EIF2B3: variants seen among roughly 807,000 people sequenced by gnomAD.
EIF2B3 encodes the protein translation initiation factor eIF2B subunit gamma.
Under a neutral mutation model 54.1 loss-of-function variants are expected in EIF2B3, and 20 were observed. The observed-to-expected ratio is 0.37, with a 90% CI of 0.26 to 0.54. The LOEUF (loss-of-function observed/expected upper bound fraction) is 0.54. EIF2B3 is among the 20% of genes least tolerant of loss of function. The pLI is 0.86. For missense variants in EIF2B3, 448 were observed against 547.8 expected (o/e 0.82, Z 1.82); for synonymous variants, 153 against 188.1 (o/e 0.81, Z 1.52).
intron 3 of EIF2B3, among the ~76,000 whole-genome samples, chr1:44,974,019 C>T (rs994759688): frequency 3.3e-5 from 5 of 152,078 alleles, no homozygotes; most frequent in African/African-American, 9.7e-5. Flanking sequence ...CAGAAAGCAA[C>T]ACACCCCACA....
At chr1:44,859,525 G>C (rs904534253) in intron 10 of EIF2B3, among the ~76,000 whole-genome samples, 1 of 151,898 alleles carries the variant, frequency 6.6e-6, no homozygotes, top group Non-Finnish European at 1.5e-5. Flanking sequence ...AAGCATGGCG[G>C]TGCGCACCTG....
At chr1:44,941,423 A>C in intron 4 of EIF2B3, 83 bp downstream of exon 4, 1 of 1,475,500 alleles carries the variant, frequency 6.8e-7, no homozygotes, top group Admixed American at 2.2e-5. Flanking sequence ...TAGATTCTTA[A>C]TAAATGTTTT....
intron 6 of EIF2B3, among the ~76,000 whole-genome samples, chr1:44,888,352 C>T (rs1173548479): frequency 1.3e-5 from 2 of 152,114 alleles, no homozygotes; most frequent in Non-Finnish European, 2.9e-5. Context: ...TGCAGCTTGG[C>T]CCCAGGAGCG....
chr1:44,919,715 CTTTTTTT>C (rs777128961), intron 5 of EIF2B3, among the ~76,000 whole-genome samples: 1 of 115,888 alleles, frequency 8.6e-6, no homozygotes, highest in Non-Finnish European at 1.7e-5. Flanking sequence ...ATTGAATGTC[CTTTTTTT>C]TTTTTTTTTT....
At chr1:44,932,529 T>C (rs1036900838) in intron 4 of EIF2B3, 11 of 152,188 alleles carry the variant, frequency 7.2e-5, no homozygotes, top group African/African-American at 2.7e-4. Context: ...TAATACAACC[T>C]GGTGACTAGT....
intron 2 of EIF2B3, among the ~76,000 whole-genome samples, chr1:44,979,474 CAAAAAAAAAAAA>C (rs34452633): frequency 3.6e-5 from 2 of 56,026 alleles, no homozygotes; most frequent in South Asian, 1.3e-3. Context: ...CTGTCTCTGC[CAAAAAAAAAAAA>C]AAAAAAAAAA....
intron 7 of EIF2B3, among the ~76,000 whole-genome samples, chr1:44,880,823 T>C (rs984638922): frequency 1.3e-5 from 2 of 151,794 alleles, no homozygotes; most frequent in African/African-American, 4.8e-5. Flanking sequence ...TAGCCGGGCG[T>C]GGTGGCGTGT....
At chr1:44,873,553 C>T (rs918171892) in intron 10 of EIF2B3, among the ~76,000 whole-genome samples, 1 of 152,102 alleles carries the variant, frequency 6.6e-6, no homozygotes, top group African/African-American at 2.4e-5. Context: ...GTAGCTGATC[C>T]ATAGCAAACT....
intron 4 of EIF2B3, among the ~76,000 whole-genome samples, chr1:44,932,639 C>CCT (rs1470597598): frequency 6.6e-6 from 1 of 151,976 alleles, no homozygotes; most frequent in Non-Finnish European, 1.5e-5. Context: ...ATAAGCTCCC[C>CCT]CTCCCATCCC....
At chr1:44,894,464 C>T (rs1352774444) in intron 6 of EIF2B3, among the ~76,000 whole-genome samples, 1 of 152,112 alleles carries the variant, frequency 6.6e-6, no homozygotes, top group African/African-American at 2.4e-5. Flanking sequence ...ACTACATCTC[C>T]TTTCCCTCAT....
intron 3 of EIF2B3, among the ~76,000 whole-genome samples, chr1:44,949,813 TA>T (rs1418941727): frequency 1.2e-4 from 19 of 152,240 alleles, no homozygotes; most frequent in Non-Finnish European, 2.4e-4. Context: ...CTAATATTCA[TA>T]ATTCATTCAC....
intron 11 of EIF2B3, 129 bp downstream of exon 11, chr1:44,857,575 G>T: frequency 1.1e-6 from 1 of 881,698 alleles, no homozygotes; most frequent in Non-Finnish European, 1.9e-6. Context: ...TCCAAAGATG[G>T]CTTTATCAAT....
At chr1:44,965,576 C>A (rs1425325573) in intron 3 of EIF2B3, among the ~76,000 whole-genome samples, 1 of 148,608 alleles carries the variant, frequency 6.7e-6, no homozygotes, top group African/African-American at 2.5e-5. Flanking sequence ...AGTACTAATG[C>A]TTTTGGAGGC....
intron 4 of EIF2B3, among the ~76,000 whole-genome samples, chr1:44,930,619 A>G (rs183204775): frequency 6.6e-6 from 1 of 152,304 alleles, no homozygotes; most frequent in East Asian, 1.9e-4. Flanking sequence ...CCAGCTGTCA[A>G]GGCTGAGGCT....
At chr1:44,871,874 C>CTTT (rs71040515) in intron 10 of EIF2B3, among the ~76,000 whole-genome samples, 1,204 of 118,852 alleles carry the variant, frequency 0.01, 35 homozygotes, top group Non-Finnish European at 0.013. Flanking sequence ...ACTTCACAAT[C>CTTT]TTTTTTTTTT....
chr1:44,901,266 C>T (rs1643291848), intron 5 of EIF2B3, among the ~76,000 whole-genome samples: 1 of 152,102 alleles, frequency 6.6e-6, no homozygotes, highest in Admixed American at 6.6e-5. Flanking sequence ...CAAGCGCCCA[C>T]CACCATGCCC....
Position 44,859,441 on chromosome 1 carries a change from G to A in EIF2B3, c.1203-1634C>T, listed in dbSNP as rs1206725761. 3.3e-5 allele frequency among the ~76,000 whole-genome samples: 5 copies of A among 152,134 alleles called. No individual in the cohort carries two copies. In the East Asian group the frequency reaches 9.7e-4, roughly 29 times the overall value. On this transcript the variant is annotated intron_variant, in intron 10 of 11. Transcript: ENST00000360403. ...GGAGGCCAAGGCAGGTGGATCACCT[G>A]AGGTCAGGAGTTTGAGGCCAGCCAT...
At chr1:44,898,596 TAAA>T in intron 5 of EIF2B3, among the ~76,000 whole-genome samples, 1 of 146,172 alleles carries the variant, frequency 6.8e-6, no homozygotes, top group South Asian at 2.2e-4. Flanking sequence ...GGAGTATGGT[TAAA>T]AAAAAAAAAG....
chr1:44,940,824 C>G (rs1644012139), intron 4 of EIF2B3: 2 of 152,204 alleles, frequency 1.3e-5, no homozygotes, highest in Non-Finnish European at 2.9e-5. Context: ...ATTTATTGGT[C>G]ATTTAGGGTG....
Sources: gnomAD v4.1 joint callset for allele counts (sites outside exome capture counted in the v4.1 genomes callset) on GRCh38, gnomAD v4.1.1 for gene constraint, MANE v1.5 for transcripts, NCBI Gene and HGNC (gene_info 2026-07-23, HGNC 2026-07-21) for gene names.